Variants in CACNA1D observed in about 807,000 individuals in gnomAD.
The protein encoded by CACNA1D is voltage-dependent L-type calcium channel subunit alpha-1D.
CACNA1D carries 55 observed loss-of-function variants against 257.1 expected under a neutral mutation model. The observed-to-expected ratio is 0.21, with a 90% confidence interval of 0.17 to 0.27. CACNA1D has a LOEUF of 0.27. Ranked by LOEUF, CACNA1D falls within the 10% of genes least tolerant of loss-of-function variation. The pLI is 1.00. For synonymous variants in CACNA1D, 980 were observed against 1,014.9 expected (o/e 0.97, Z 0.65); for missense variants, 1,876 against 2,784.0 (o/e 0.67, Z 7.34).
chr3:53,520,900 TTTTCTTTTC>T (rs2091544467), intron 3 of CACNA1D, among the ~76,000 whole-genome samples: 1 of 98,592 alleles, frequency 1.0e-5, no homozygotes, highest in Non-Finnish European at 2.1e-5. Flanking sequence ...CTTTCTTTTC[TTTTCTTTTC>T]TTTTCTTTTT....
At chr3:53,804,116 C>T (rs1324911086) in intron 44 of CACNA1D, among the ~76,000 whole-genome samples, 1 of 152,206 alleles carries the variant, frequency 6.6e-6, no homozygotes, top group Non-Finnish European at 1.5e-5. Flanking sequence ...GGGCACTCTG[C>T]TTTAGGAGGC....
At chr3:53,763,111 C>T (rs1334877868) in intron 30 of CACNA1D, among the ~76,000 whole-genome samples, 2 of 152,226 alleles carry the variant, frequency 1.3e-5, no homozygotes, top group African/African-American at 4.8e-5. Context: ...GGTGCCCTCA[C>T]CTGTACCGTG....
intron 3 of CACNA1D, among the ~76,000 whole-genome samples, chr3:53,625,971 G>C (rs2093753707): frequency 6.6e-6 from 1 of 152,184 alleles, no homozygotes; most frequent in Admixed American, 6.5e-5. Context: ...AAAATTTACA[G>C]ACTAGGCTGG....
Position 53,548,370 on chromosome 3 carries a change from TTAA to T in CACNA1D, c.483+46651_483+46653del, listed in dbSNP as rs1190151167. 5.0e-3 allele frequency among the ~76,000 whole-genome samples: 668 copies of T among 134,164 alleles called. 6 individuals are homozygous for T. The highest frequency in any genetic ancestry group is 0.021 in the African/African-American group (618 of 29,420). The allele number at this position is 134,164 out of a possible 152,430, so 88.0% of individuals were successfully genotyped here. A position where few individuals can be genotyped will look rare whatever the true frequency, so the allele number is the denominator to read the frequency against. Reference sequence around the variant, plus strand: ...AACAAAGCTTTTTTTTTTTTTTTTTTTAAAAATTATCTTTAAAGAATCCATTTT... The same window carrying T: ...AACAAAGCTTTTTTTTTTTTTTTTTTAAATTATCTTTAAAGAATCCATTTT... On this transcript the variant is annotated intron_variant, in intron 3 of 47. Coordinates refer to ENST00000350061, the MANE Select transcript of CACNA1D (RefSeq NM_001128840.3).
chr3:53,749,059 T>G, intron 26 of CACNA1D: 3 of 693,962 alleles, frequency 4.3e-6, no homozygotes. Context: ...CCCTCGATGA[T>G]GATATCCTGG....
chr3:53,621,533 A>G (rs2093696756), intron 3 of CACNA1D, among the ~76,000 whole-genome samples: 1 of 152,234 alleles, frequency 6.6e-6, no homozygotes, highest in South Asian at 2.1e-4. Flanking sequence ...GCTTAAACAT[A>G]CTTGCATGAA....
chr3:53,697,568 T>C (rs912105382), intron 8 of CACNA1D, among the ~76,000 whole-genome samples: 6 of 152,204 alleles, frequency 3.9e-5, no homozygotes, highest in Non-Finnish European at 7.4e-5. Flanking sequence ...TTTTTTCTAT[T>C]TGGAAATAAT....
At chr3:53,784,867 A>G (rs2095444539) in intron 39 of CACNA1D, among the ~76,000 whole-genome samples, 2 of 152,204 alleles carry the variant, frequency 1.3e-5, no homozygotes, top group South Asian at 4.1e-4. Context: ...GGAGACGGCC[A>G]TCTCTGGAGA....
intron 3 of CACNA1D, among the ~76,000 whole-genome samples, chr3:53,538,641 G>T (rs1157304444): frequency 6.6e-6 from 1 of 152,146 alleles, no homozygotes; most frequent in Non-Finnish European, 1.5e-5. Flanking sequence ...CCCTGTGTCT[G>T]TTTGGCATGA....
intron 3 of CACNA1D, among the ~76,000 whole-genome samples, chr3:53,561,661 T>G (rs942161794): frequency 1.3e-5 from 2 of 152,220 alleles, no homozygotes; most frequent in South Asian, 4.1e-4. Flanking sequence ...CGCAGTATGC[T>G]CCTAGATCAT....
intron 21 of CACNA1D, 58 bp downstream of exon 21, chr3:53,740,397 C>A: frequency 8.5e-7 from 1 of 1,173,346 alleles, no homozygotes; most frequent in Non-Finnish European, 1.3e-6. Flanking sequence ...ATAATAGTTG[C>A]ACTTCTTTGT....
intron 3 of CACNA1D, among the ~76,000 whole-genome samples, chr3:53,627,570 C>T (rs1278872079): frequency 7.5e-6 from 1 of 133,512 alleles, no homozygotes; most frequent in African/African-American, 2.9e-5. Context: ...CATGCTGATG[C>T]TGTGTTCCCT....
chr3:53,663,029 T>A (rs2094220682), intron 5 of CACNA1D, among the ~76,000 whole-genome samples: 1 of 152,152 alleles, frequency 6.6e-6, no homozygotes, highest in Admixed American at 6.5e-5. Flanking sequence ...TAATTGATCA[T>A]TTTTGAAAAA....
intron 30 of CACNA1D, among the ~76,000 whole-genome samples, chr3:53,765,098 A>C (rs754905644): frequency 3.9e-5 from 6 of 152,178 alleles, no homozygotes; most frequent in Non-Finnish European, 8.8e-5. Context: ...GGCATCTATC[A>C]CTTACAGGCT....
intron 3 of CACNA1D, among the ~76,000 whole-genome samples, chr3:53,644,613 C>T (rs1354915073): frequency 1.3e-5 from 2 of 152,124 alleles, no homozygotes; most frequent in Non-Finnish European, 2.9e-5. Context: ...GCATAGTGTC[C>T]TCTAGGTTCA....
chr3:53,551,879 G>A (rs1284630649), intron 3 of CACNA1D, among the ~76,000 whole-genome samples: 4 of 152,176 alleles, frequency 2.6e-5, no homozygotes, highest in Non-Finnish European at 5.9e-5. Flanking sequence ...TCTTTCACTT[G>A]GCTCCATGGT....
At chr3:53,761,892 C>G (rs1346182425) in intron 29 of CACNA1D, 106 bp from the exon 30 acceptor site, 2 of 809,238 alleles carry the variant, frequency 2.5e-6, no homozygotes, top group African/African-American at 1.7e-5. Context: ...CCCACCCTAC[C>G]TGGGTGCCAT....
rs111369360 is a variant in CACNA1D, at chr3:53,671,659, T to G, written c.1117-1364T>G. On this transcript the variant is annotated intron_variant, in intron 7 of 47. Coordinates refer to ENST00000350061, the MANE Select transcript of CACNA1D (RefSeq NM_001128840.3). ...TATGAGTTCTATTAAGCACATCAAT[T>G]TTCATGTGGCCAAACAGGTGTTTCA... Among the ~76,000 whole-genome samples, 19 of 152,290 alleles carry G rather than the reference T, an allele frequency of 1.2e-4. 1 individual carries two copies. The highest frequency in any genetic ancestry group is 4.6e-4 in the African/African-American group (19 of 41,564).
chr3:53,745,599 T>C, intron 23 of CACNA1D, 25 bp from the exon 24 acceptor site: 1 of 1,508,264 alleles, frequency 6.6e-7, no homozygotes, highest in Non-Finnish European at 9.2e-7. Context: ...CAAAGAAGAG[T>C]CACGCCCCTC....
Sources: gnomAD v4.1 joint callset for allele counts (sites outside exome capture counted in the v4.1 genomes callset) on GRCh38, gnomAD v4.1.1 for gene constraint, MANE v1.5 for transcripts, NCBI Gene and HGNC (gene_info 2026-07-23, HGNC 2026-07-21) for gene names.